Variants in MARCHF1 observed in about 807,000 individuals in gnomAD.
The protein encoded by MARCHF1 is membrane associated ring-CH-type finger 1.
In MARCHF1, 40 loss-of-function variants were observed where a neutral mutation model predicts 54.2. The ratio of observed to expected loss-of-function variants is 0.74; its 90% CI spans 0.57 to 0.96. The LOEUF is 0.96. Among genes scored for constraint, MARCHF1 ranks in the 40% least tolerant of loss-of-function variants. The pLI is 0.00. For synonymous variants in MARCHF1, 236 were observed against 236.3 expected (o/e 1.00, Z 0.01); for missense variants, 586 against 656.5 (o/e 0.89, Z 1.17).
At chr4:163,609,291 C>T (rs1242308422) in intron 7 of MARCHF1, among the ~76,000 whole-genome samples, 2 of 152,046 alleles carry the variant, frequency 1.3e-5, no homozygotes, top group Non-Finnish European at 2.9e-5. Flanking sequence ...TTTCCTAAAT[C>T]AACTTGCCTC....
chr4:164,311,299 T>C (rs1009596193), intron 1 of MARCHF1, among the ~76,000 whole-genome samples: 16 of 152,112 alleles, frequency 1.1e-4, no homozygotes, highest in Non-Finnish European at 8.8e-5. Context: ...AAAAGGAAAA[T>C]AACTATGAAG....
intron 1 of MARCHF1, among the ~76,000 whole-genome samples, chr4:164,338,985 TAAATA>T (rs1159809257): frequency 6.6e-5 from 10 of 151,640 alleles, no homozygotes; most frequent in South Asian, 6.3e-4. Flanking sequence ...AAAAAATAAA[TAAATA>T]AAATAAAATA....
At chr4:163,589,015 C>T (rs1740498372) in intron 7 of MARCHF1, among the ~76,000 whole-genome samples, 1 of 151,018 alleles carries the variant, frequency 6.6e-6, no homozygotes, top group African/African-American at 2.4e-5. Flanking sequence ...AAAACGAAAA[C>T]CCCACTTGGC....
chr4:164,131,783 G>A (rs767068286), intron 1 of MARCHF1, among the ~76,000 whole-genome samples: 3 of 152,052 alleles, frequency 2.0e-5, no homozygotes, highest in Non-Finnish European at 4.4e-5. Context: ...TTTAACGCCT[G>A]AGAAGTTTTC....
At chr4:163,632,787 G>A (rs1469255950) in intron 5 of MARCHF1, among the ~76,000 whole-genome samples, 1 of 152,240 alleles carries the variant, frequency 6.6e-6, no homozygotes, top group African/African-American at 2.4e-5. Flanking sequence ...CTCAACCTCT[G>A]GGGGCAGGTC....
intron 1 of MARCHF1, among the ~76,000 whole-genome samples, chr4:164,154,220 TAAAAGA>T (rs58806787): frequency 0.2 from 29,711 of 151,946 alleles, 4,700 homozygotes; most frequent in African/African-American, 0.43. Flanking sequence ...TTAGGCCATT[TAAAAGA>T]AAAAGAAAAA....
In MARCHF1 at chr4:163,528,519, A is replaced by G. The variant is rs924531848; in HGVS notation, c.*229T>C. On this transcript the variant is annotated 3_prime_UTR_variant, in exon 10 of 10. Coordinates refer to ENST00000514618, the MANE Select transcript of MARCHF1 (RefSeq NM_001394959.1). ...TTGTCTTGGAAATCATTCTCTTGCA[A>G]ACTTCACATTTCCATATCATACTTT... 7 of 477,636 alleles carry G rather than the reference A, an allele frequency of 1.5e-5. No homozygotes were observed. In the Admixed American group the frequency reaches 1.9e-4, roughly 13 times the overall value. The allele number at this position is 477,636 out of a possible 1,614,324, so 29.6% of individuals were successfully genotyped here.
intron 1 of MARCHF1, among the ~76,000 whole-genome samples, chr4:164,356,481 T>C (rs1730541856): frequency 8.4e-6 from 1 of 119,584 alleles, no homozygotes; most frequent in Non-Finnish European, 1.9e-5. Flanking sequence ...ATGGATGAAA[T>C]TGGAAATCAT....
intron 2 of MARCHF1, among the ~76,000 whole-genome samples, chr4:164,100,879 C>T (rs1036187553): frequency 6.6e-6 from 1 of 152,172 alleles, no homozygotes; most frequent in Non-Finnish European, 1.5e-5. Flanking sequence ...GAGTGCCAGA[C>T]AGTGGGCGCA....
chr4:164,371,899 A>C (rs1391644996), intron 1 of MARCHF1, among the ~76,000 whole-genome samples: 3 of 152,100 alleles, frequency 2.0e-5, no homozygotes, highest in Non-Finnish European at 1.5e-5. Context: ...ATATTTATAA[A>C]AGTAACGTAT....
At chr4:163,718,653 A>G (rs1421174737) in intron 4 of MARCHF1, among the ~76,000 whole-genome samples, 1 of 152,206 alleles carries the variant, frequency 6.6e-6, no homozygotes, top group Non-Finnish European at 1.5e-5. Flanking sequence ...TATATTGATT[A>G]TGACTCTGGT....
At chr4:163,863,434 C>T (rs144124913) in intron 3 of MARCHF1, among the ~76,000 whole-genome samples, 1 of 152,144 alleles carries the variant, frequency 6.6e-6, no homozygotes, top group African/African-American at 2.4e-5. Flanking sequence ...AACAATTAGA[C>T]AGAGGTTTGG....
At chr4:163,976,838 T>C (rs1752657694) in intron 3 of MARCHF1, among the ~76,000 whole-genome samples, 1 of 152,128 alleles carries the variant, frequency 6.6e-6, no homozygotes, top group African/African-American at 2.4e-5. Context: ...AGGTTTCAGA[T>C]TTCTATGCAG....
At chr4:164,292,016 ATGT>A (rs909780829) in intron 1 of MARCHF1, among the ~76,000 whole-genome samples, 14 of 152,150 alleles carry the variant, frequency 9.2e-5, no homozygotes, top group African/African-American at 3.1e-4. Flanking sequence ...TTTAGTTTAC[ATGT>A]TGTCAACCAA....
intron 1 of MARCHF1, among the ~76,000 whole-genome samples, chr4:164,253,672 T>G (rs891682564): frequency 6.6e-6 from 1 of 152,144 alleles, no homozygotes; most frequent in Non-Finnish European, 1.5e-5. Flanking sequence ...AGCATATACG[T>G]GGACATTGAT....
intron 1 of MARCHF1, among the ~76,000 whole-genome samples, chr4:164,205,959 G>A (rs1161128443): frequency 6.6e-6 from 1 of 152,038 alleles, no homozygotes; most frequent in East Asian, 1.9e-4. Context: ...ATTAATAATA[G>A]GCTCAGCTTT....
rs908577329 is a variant in MARCHF1, at chr4:164,219,728, G to T, written c.-322-108066C>A. Among the ~76,000 whole-genome samples the T allele has an allele frequency of 3.9e-5, 6 of 151,906 alleles. No homozygotes were observed. The East Asian group carries it at 9.6e-4, about 24-fold the overall frequency. ...CTATACATTTCTAAAGTTATTAAAA[G>T]TCCAATGACTCGGATCAGCTCTCTT... On this transcript the variant is annotated intron_variant, in intron 1 of 9. Coordinates refer to ENST00000514618, the MANE Select transcript of MARCHF1 (RefSeq NM_001394959.1).
intron 3 of MARCHF1, among the ~76,000 whole-genome samples, chr4:163,963,627 T>A (rs1240850962): frequency 6.6e-6 from 1 of 151,912 alleles, no homozygotes; most frequent in Non-Finnish European, 1.5e-5. Flanking sequence ...ACAATTCCCT[T>A]CCCTTAAATC....
intron 1 of MARCHF1, among the ~76,000 whole-genome samples, chr4:164,341,279 C>CAAA (rs34271550): frequency 6.8e-6 from 1 of 146,378 alleles, no homozygotes; most frequent in Admixed American, 6.8e-5. Flanking sequence ...AAAGCAAAAA[C>CAAA]AAAAAAAAAA....
Sources: allele counts gnomAD v4.1 joint callset (sites outside exome capture counted in the v4.1 genomes callset), GRCh38; gene constraint gnomAD v4.1.1; transcripts MANE v1.5; gene names NCBI Gene and HGNC (gene_info 2026-07-23, HGNC 2026-07-21).